The following ACSS1 variants were observed in gnomAD, a reference collection of about 807,000 sequenced individuals.
ACSS1 encodes the protein acyl-CoA synthetase short chain family member 1.
ACSS1 carries 42 observed loss-of-function variants against 75.3 expected under a neutral mutation model. The ratio of observed to expected loss-of-function variants is 0.56; its 90% CI spans 0.44 to 0.72. ACSS1 has a LOEUF of 0.72. Ranked by LOEUF, ACSS1 falls within the 30% of genes least tolerant of loss-of-function variation. The probability of loss-of-function intolerance (pLI) is 0.00; values close to 1 mark genes in which losing one functional copy is unlikely to be tolerated. For synonymous variants in ACSS1, 380 were observed against 376.8 expected (o/e 1.01, Z -0.10); for missense variants, 782 against 935.7 (o/e 0.84, Z 2.14).
intron 1 of ACSS1, among the ~76,000 whole-genome samples, chr20:25,056,341 G>C (rs574824611): frequency 6.6e-6 from 1 of 152,026 alleles, no homozygotes; most frequent in Admixed American, 6.6e-5. Context: ...AAAGGGTTTG[G>C]TTTTTTTCCC....
intron 3 of ACSS1, among the ~76,000 whole-genome samples, chr20:25,024,075 G>A (rs1174152238): frequency 2.0e-5 from 3 of 152,190 alleles, no homozygotes; most frequent in Non-Finnish European, 4.4e-5. Flanking sequence ...AAGCCCAAAG[G>A]TGTCCCATGT....
At position 25,006,680 on chromosome 20, in the gene ACSS1, C is replaced by T; in HGVS notation, c.*1082G>A. The T allele has an allele frequency of 1.1e-6, 1 of 921,048 alleles. No individual in the cohort carries two copies. Among genetic ancestry groups the T allele is most frequent in the Non-Finnish European group, 1.6e-6 (1 of 635,754 alleles). 57.1% of individuals were successfully genotyped at this position (921,048 alleles called of 1,614,324 possible). ...CCTGCATGCCTAGCAGGGAGGTAAG[C>T]ACCCACTGGCGTCGTGATTTCCATT... On this transcript the variant is annotated 3_prime_UTR_variant, in exon 14 of 14. Coordinates refer to ENST00000323482, the MANE Select transcript of ACSS1 (RefSeq NM_032501.4).
Position 25,021,446 on chromosome 20 carries a change from G to A in ACSS1, c.1051C>T (p.Leu351Phe), listed in dbSNP as rs373607197. Residue 351 changes from leucine (L) to phenylalanine (F), a missense_variant, in exon 6 of 14, where the codon CTC (leucine) becomes TTC (phenylalanine). By Grantham distance (22) the Leu-to-Phe change is conservative. Transcript: ENST00000323482. ...AGGACGCTGGTGGCACCATTGCAGA[G>A]AGGCCCATACACCACGTAGCTGTGT... ...TGHSYVVYGP[L>F]CNGATSVLFE... is the part of the protein sequence containing the mutation. The A allele has an allele frequency of 9.9e-5, 159 of 1,614,116 alleles. No homozygotes were observed. The highest frequency in any genetic ancestry group is 1.2e-4 in the Non-Finnish European group (142 of 1,180,040).
At chr20:25,016,794 G>A (rs1473042997) in intron 7 of ACSS1, among the ~76,000 whole-genome samples, 1 of 152,196 alleles carries the variant, frequency 6.6e-6, no homozygotes, top group African/African-American at 2.4e-5. Context: ...AGGTCCGTGT[G>A]GAAAAATGCA....
At chr20:25,023,125 G>C in intron 4 of ACSS1, 33 bp from the exon 5 acceptor site, 1 of 1,597,028 alleles carries the variant, frequency 6.3e-7, no homozygotes, top group Non-Finnish European at 8.5e-7. Flanking sequence ...AGCCCACCGA[G>C]GGCACTCAGC....
Position 25,007,921 on chromosome 20 carries a change from T to C in ACSS1, c.1911A>G (p.Lys637=). The change falls in exon 14 of 14, where the codon AAA becomes AAG. Residue 637 remains lysine (K), a synonymous_variant. Transcript: ENST00000323482. ...GCCGCATGACCTTCCCAGACCTGGT[T>C]TTTGGAAGACGTTTCACCACCTGGC... ...DEILVVKRLP[K]TRSGKVMRRL... 6.2e-7 allele frequency: 1 copy of C among 1,614,094 alleles called. No individual in the cohort carries two copies. Among genetic ancestry groups the C allele is most frequent in the Non-Finnish European group, 8.5e-7 (1 of 1,179,990 alleles).
Position 25,013,601 on chromosome 20 carries a change from C to T in ACSS1, c.1514G>A (p.Gly505Asp). The T allele has an allele frequency of 6.2e-7, 1 of 1,610,338 alleles. No individual in the cohort carries two copies. Among genetic ancestry groups the T allele is most frequent in the Non-Finnish European group, 8.5e-7 (1 of 1,177,884 alleles). ...GTCGCCATAGATGGTCCTGGCCATG[C>T]CCGGCCAGGCCTGGGAGATGCACAG... is the stretch of plus-strand genomic sequence containing the variant. Reference protein sequence around the residue: ...GALCISQAWPGMARTIYGDHQ... With the variant: ...GALCISQAWPDMARTIYGDHQ... Residue 505 changes from glycine to aspartate, a missense_variant, in exon 10 of 14, where the codon GGC becomes GAC. Coordinates refer to ENST00000323482, the MANE Select transcript of ACSS1 (RefSeq NM_032501.4).
In ACSS1 at chr20:25,013,624, C is replaced by G. The variant is rs1390496991; in HGVS notation, c.1491G>C (p.Leu497=). 7 of 1,609,134 alleles carry G rather than the reference C, an allele frequency of 4.4e-6. No individual in the cohort carries two copies. Among genetic ancestry groups the G allele is most frequent in the Non-Finnish European group, 5.9e-6 (7 of 1,177,680 alleles). The change falls in exon 10 of 14, where the codon CTG becomes CTC. Residue 497 remains leucine (L), a synonymous_variant. Coordinates refer to ENST00000323482, the MANE Select transcript of ACSS1 (RefSeq NM_032501.4). ...TGCCCGGCCAGGCCTGGGAGATGCA[C>G]AGGGCCCCGGAGACGTTGCTGCCCT... ...VVEGSNVSGA[L]CISQAWPGMA... is the part of the protein sequence containing the mutation.
chr20:25,019,197 C>G (rs1170570829), intron 7 of ACSS1, among the ~76,000 whole-genome samples: 4 of 152,214 alleles, frequency 2.6e-5, no homozygotes, highest in African/African-American at 9.6e-5. Context: ...CCACGCGTGA[C>G]CACACGTCAA....
chr20:25,008,725 G>A (rs190817228), intron 13 of ACSS1, among the ~76,000 whole-genome samples: 2 of 152,350 alleles, frequency 1.3e-5, no homozygotes, highest in Admixed American at 1.3e-4. Flanking sequence ...ACCAGGAAAA[G>A]TGCTCAAGAA....
At position 25,057,972 on chromosome 20, in the gene ACSS1, C is replaced by G; in HGVS notation, c.131G>C (p.Ser44Thr). Reference protein sequence around the residue: ...PRRAASGPSGSAPAVAAAAAQ... With the variant: ...PRRAASGPSGTAPAVAAAAAQ... ...TGCTGCTGCTGCAACTGCGGGAGCG[C>G]TGCCCGAGGGTCCCGAGGCCGCCCT... Residue 44 changes from serine to threonine, a missense_variant, in exon 1 of 14, where the codon AGC (serine) becomes ACC (threonine). Around this residue, in one of 2 missense-constraint regions of ACSS1, gnomAD observed 377 missense variants for 383.1 expected, o/e 0.98. Coordinates refer to ENST00000323482, the MANE Select transcript of ACSS1 (RefSeq NM_032501.4). 1.9e-6 allele frequency: 3 copies of G among 1,575,538 alleles called. No individual in the cohort carries two copies. In the South Asian group the frequency reaches 3.4e-5, roughly 18 times the overall value.
intron 1 of ACSS1, among the ~76,000 whole-genome samples, chr20:25,050,288 A>G (rs73906067): frequency 0.071 from 10,760 of 152,002 alleles, 1,300 homozygotes; most frequent in African/African-American, 0.24. Context: ...CTACACAGAG[A>G]GTCCTACACC....
At chr20:25,036,468 A>G (rs1319738376) in intron 2 of ACSS1, among the ~76,000 whole-genome samples, 6 of 143,426 alleles carry the variant, frequency 4.2e-5, no homozygotes. Context: ...AAATTAGTCC[A>G]AAACAGGAAA....
At chr20:25,032,594 G>A (rs567260314) in intron 2 of ACSS1, 367 of 1,240,492 alleles carry the variant, frequency 3.0e-4, no homozygotes, top group Non-Finnish European at 2.5e-4. Flanking sequence ...ACCAGCCCGC[G>A]ACCCCTGCCC....
intron 4 of ACSS1, 38 bp downstream of exon 4, chr20:25,023,428 T>C (rs770651184): frequency 1.9e-6 from 3 of 1,612,472 alleles, no homozygotes; most frequent in South Asian, 2.2e-5. Context: ...TAACTTGATA[T>C]GACCTCGCCT....
chr20:25,042,432 C>T (rs1025181642), intron 2 of ACSS1, among the ~76,000 whole-genome samples: 3 of 152,238 alleles, frequency 2.0e-5, no homozygotes, highest in African/African-American at 2.4e-5. Context: ...GCAGCTAGGC[C>T]GGGACTCCAC....
chr20:25,020,606 C>T (rs1481875212), intron 6 of ACSS1, among the ~76,000 whole-genome samples: 1 of 152,224 alleles, frequency 6.6e-6, no homozygotes, highest in Non-Finnish European at 1.5e-5. Flanking sequence ...TTCCTGTAAA[C>T]CCACTACCCA....
In ACSS1 at chr20:25,023,088, A is replaced by G; in HGVS notation, c.812T>C (p.Met271Thr). Residue 271 changes from methionine (M) to threonine (T), a missense_variant, in exon 5 of 14, where the codon ATG becomes ACG. Physicochemically the swap from Met to Thr is moderately conservative, Grantham distance 81. This residue lies in a region of ACSS1 where 377 missense variants were observed against 383.1 expected (regional missense o/e 0.98). Transcript: ENST00000323482. ...GGCGCAAACAGGGTCCTCCTTGGCCATTTCCTGGCAGGGAGAAGAAACAAA... is the reference window on the plus strand; with the variant it reads ...GGCGCAAACAGGGTCCTCCTTGGCCGTTTCCTGGCAGGGAGAAGAAACAAA... ...GDLDVPLEQE[M>T]AKEDPVCAPE... 1 of 1,610,570 alleles carries G rather than the reference A, an allele frequency of 6.2e-7. No individual in the cohort carries two copies.
chr20:25,048,774 G>C (rs2089135561), intron 1 of ACSS1, among the ~76,000 whole-genome samples: 1 of 152,184 alleles, frequency 6.6e-6, no homozygotes, highest in African/African-American at 2.4e-5. Flanking sequence ...TTTGCAGAAG[G>C]CTCTGCTCCC....
Sources: allele counts gnomAD v4.1 joint callset (sites outside exome capture counted in the v4.1 genomes callset), GRCh38; gene constraint gnomAD v4.1.1; regional missense constraint gnomAD v4.1.1; transcripts MANE v1.5; gene names NCBI Gene and HGNC (gene_info 2026-07-23, HGNC 2026-07-21).